BRAF: variants seen among roughly 807,000 people sequenced by gnomAD.
The protein encoded by BRAF is B-Raf proto-oncogene, serine/threonine kinase.
A neutral mutation model predicts 104.6 loss-of-function variants in BRAF; 16 were observed. That is an observed-to-expected ratio of 0.15 (90% confidence interval 0.10 to 0.23). The LOEUF (loss-of-function observed/expected upper bound fraction) is 0.23. BRAF is among the 10% of genes least tolerant of loss of function. The pLI, the probability that BRAF is intolerant of heterozygous loss-of-function variation, is 1.00. For synonymous variants in BRAF, 310 were observed against 341.6 expected (o/e 0.91, Z 1.02); for missense variants, 541 against 937.3 (o/e 0.58, Z 5.52).
At chr7:140,718,794 T>C (rs949012181), downstream of BRAF, among the ~76,000 whole-genome samples, 1 of 152,184 alleles carries the variant, frequency 6.6e-6, no homozygotes, top group African/African-American at 2.4e-5. Flanking sequence ...TGAATTTTAT[T>C]TGGGGAAGGG....
intron 17 of BRAF, chr7:140,747,488 G>T: frequency 2.0e-6 from 2 of 996,936 alleles, no homozygotes; most frequent in South Asian, 1.4e-5. Flanking sequence ...ACTCTGGGAT[G>T]CTTTTATCTG....
intron 14 of BRAF, among the ~76,000 whole-genome samples, chr7:140,758,878 T>G (rs1007349540): frequency 6.6e-6 from 1 of 152,252 alleles, no homozygotes; most frequent in African/African-American, 2.4e-5. Context: ...ACAATCAATA[T>G]AAAGAATATC....
intron 2 of BRAF, among the ~76,000 whole-genome samples, chr7:140,843,697 A>G (rs1025728479): frequency 6.6e-6 from 1 of 152,182 alleles, no homozygotes; most frequent in African/African-American, 2.4e-5. Flanking sequence ...ATATGTCTGT[A>G]TATACATATA....
At chr7:140,729,245 TAC>T (rs574079438) in intron 19 of BRAF, among the ~76,000 whole-genome samples, 1 of 151,122 alleles carries the variant, frequency 6.6e-6, no homozygotes, top group Admixed American at 6.6e-5. Context: ...CAAAACAAAA[TAC>T]ACACACACAC....
chr7:140,814,747 A>ATATATATT (rs1804648686), intron 3 of BRAF, among the ~76,000 whole-genome samples: 3 of 124,204 alleles, frequency 2.4e-5, no homozygotes, highest in African/African-American at 1.5e-4. Context: ...ATTTATATAC[A>ATATATATT]ATATATAACA....
chr7:140,783,277 A>G, intron 10 of BRAF, 120 bp from the exon 10 acceptor site: 1 of 1,290,680 alleles, frequency 7.7e-7, no homozygotes, highest in Non-Finnish European at 1.1e-6. Context: ...GTTTAAATAT[A>G]GACCTTTTGG....
intron 1 of BRAF, among the ~76,000 whole-genome samples, chr7:140,859,685 A>ATTTTT (rs60932962): frequency 1.5e-5 from 2 of 131,662 alleles, no homozygotes; most frequent in Non-Finnish European, 3.2e-5. Flanking sequence ...CTGATTGTAA[A>ATTTTT]TTTTTTTTTT....
intron 12 of BRAF, among the ~76,000 whole-genome samples, chr7:140,778,504 A>C (rs2129020066): frequency 6.6e-6 from 1 of 152,274 alleles, no homozygotes; most frequent in South Asian, 2.1e-4. Context: ...CTTTTTTATC[A>C]GAGTAGTTAA....
At chr7:140,737,438 T>C (rs1351390454) in intron 18 of BRAF, among the ~76,000 whole-genome samples, 2 of 152,232 alleles carry the variant, frequency 1.3e-5, no homozygotes, top group African/African-American at 4.8e-5. Flanking sequence ...TTACACCTTT[T>C]CCTAAGTTCA....
intron 1 of BRAF, among the ~76,000 whole-genome samples, chr7:140,889,672 T>C (rs923601871): frequency 6.6e-6 from 1 of 152,166 alleles, no homozygotes; most frequent in South Asian, 2.1e-4. Context: ...AGTAAAGAAA[T>C]GTTTTATTTT....
At chr7:140,739,514 CTT>C (rs1455975675) in intron 18 of BRAF, among the ~76,000 whole-genome samples, 4 of 97,634 alleles carry the variant, frequency 4.1e-5, no homozygotes, top group African/African-American at 8.4e-5. Context: ...AACAAAAGCT[CTT>C]TGTGGGGGGG....
chr7:140,740,058 T>G (rs1296337223), intron 17 of BRAF, 112 bp from the exon 17 acceptor site: 12 of 1,154,744 alleles, frequency 1.0e-5, no homozygotes, highest in Admixed American at 9.7e-5. Flanking sequence ...ACGATGTATG[T>G]ATTACACCTC....
chr7:140,851,571 G>A lies in BRAF; in HGVS notation c.139-1359C>T, dbSNP rs1809160491. Among the ~76,000 whole-genome samples the A allele has an allele frequency of 2.6e-5, 4 of 152,266 alleles. No individual in the cohort carries two copies. The South Asian group carries it at 8.3e-4, about 32-fold the overall frequency. ...CTGAACTGCTTTTCAGAGTAAAAGT[G>A]CAAGTTTTATTTTTTGGTATCTAGG... On this transcript the variant is annotated intron_variant, in intron 1 of 19. Coordinates refer to ENST00000644969, the MANE Select transcript of BRAF (RefSeq NM_001374258.1).
intron 9 of BRAF, 108 bp downstream of exon 9, chr7:140,787,440 C>G: frequency 8.1e-7 from 1 of 1,231,012 alleles, no homozygotes; most frequent in Non-Finnish European, 1.2e-6. Flanking sequence ...TTTCTCTACA[C>G]ATTTTTCTCT....
intron 14 of BRAF, among the ~76,000 whole-genome samples, chr7:140,765,862 C>G (rs1450657357): frequency 6.7e-6 from 1 of 149,234 alleles, no homozygotes; most frequent in Non-Finnish European, 1.5e-5. Context: ...GGACTGTAAA[C>G]TAGTTCAACC....
chr7:140,876,338 A>G lies in BRAF; in HGVS notation c.139-26126T>C, dbSNP rs541203594. ...GAGAGTTAAGAATTTTTAAGCCACA[A>G]CAGGTAAATTAAAACAGAATGGCTA... On this transcript the variant is annotated intron_variant, in intron 1 of 19. Transcript: ENST00000644969. Among the ~76,000 whole-genome samples, 3 of 152,336 alleles carry G rather than the reference A, an allele frequency of 2.0e-5. No individual in the cohort carries two copies. In the East Asian group the frequency reaches 5.8e-4, roughly 29 times the overall value.
rs554391384 is a variant in BRAF, at chr7:140,844,160, C to A, written c.240+5951G>T. Among the ~76,000 whole-genome samples the A allele has an allele frequency of 3.2e-3, 494 of 152,156 alleles. 3 individuals are homozygous for A. The highest frequency in any genetic ancestry group is 0.011 in the African/African-American group (472 of 41,532). ...TAAGAACCCCTTCCCCTCCCTTGTC[C>A]AAGTGTGCGCTCACCATTGCTCCAT... On this transcript the variant is annotated intron_variant, in intron 2 of 19. Coordinates refer to ENST00000644969, the MANE Select transcript of BRAF (RefSeq NM_001374258.1).
At chr7:140,750,577 C>T (rs900043547) in intron 16 of BRAF, among the ~76,000 whole-genome samples, 2 of 152,116 alleles carry the variant, frequency 1.3e-5, no homozygotes, top group Non-Finnish European at 2.9e-5. Flanking sequence ...TCCTGAAGAG[C>T]GTGAGAGGAT....
intron 1 of BRAF, among the ~76,000 whole-genome samples, chr7:140,854,774 G>A (rs1586417988): frequency 6.6e-6 from 1 of 151,930 alleles, no homozygotes; most frequent in South Asian, 2.1e-4. Flanking sequence ...GTGAAACCCC[G>A]TCTCTACTAA....
Sources: allele counts gnomAD v4.1 joint callset (sites outside exome capture counted in the v4.1 genomes callset), GRCh38; gene constraint gnomAD v4.1.1; transcripts MANE v1.5; gene names NCBI Gene and HGNC (gene_info 2026-07-23, HGNC 2026-07-21).